Variants in TMEM266 observed in about 807,000 individuals in gnomAD.
TMEM266 encodes the protein transmembrane protein 266.
A neutral mutation model predicts 50.5 loss-of-function variants in TMEM266; 33 were observed. The observed-to-expected ratio is 0.65, with a 90% confidence interval of 0.50 to 0.87. The LOEUF is 0.87. Among genes scored for constraint, TMEM266 ranks in the 40% least tolerant of loss-of-function variants. The probability of loss-of-function intolerance (pLI) is 0.00; values close to 1 mark genes in which losing one functional copy is unlikely to be tolerated. For synonymous variants in TMEM266, 310 were observed against 292.3 expected (o/e 1.06, Z -0.62); for missense variants, 655 against 695.1 (o/e 0.94, Z 0.65).
At chr15:76,119,489 G>A (rs2037307751) in intron 1 of TMEM266, among the ~76,000 whole-genome samples, 1 of 151,966 alleles carries the variant, frequency 6.6e-6, no homozygotes, top group Admixed American at 6.6e-5. Context: ...GACGGGAGCC[G>A]GGCGCGGTGG....
chr15:76,154,215 CTGTTGTATGCAA>C (rs1219494112), intron 3 of TMEM266, among the ~76,000 whole-genome samples: 1 of 152,192 alleles, frequency 6.6e-6, no homozygotes, highest in Non-Finnish European at 1.5e-5. Context: ...TAGTATGAGT[CTGTTGTATGCAA>C]TGTTTAGGGT....
chr15:76,122,291 G>T (rs142936922), intron 1 of TMEM266, among the ~76,000 whole-genome samples: 50 of 152,352 alleles, frequency 3.3e-4, no homozygotes, highest in African/African-American at 1.1e-3. Flanking sequence ...AAAGCAAGTG[G>T]ATTTGCTTGG....
Position 76,204,124 on chromosome 15 carries a change from G to A in TMEM266, c.1405G>A (p.Ala469Thr). The A allele has an allele frequency of 6.2e-7, 1 of 1,613,120 alleles. No homozygotes were observed. The stretch of plus-strand genomic sequence containing the variant: ...AGCCCCCCTCGCCCGGCCCAGCCCA[G>A]CGGGCTCGGCCCAAACCAGCCCCGA... Residue 469 changes from alanine to threonine, a missense_variant, in exon 11 of 11, where the codon GCG (alanine) becomes ACG (threonine). Around this residue, in one of 3 missense-constraint regions of TMEM266, gnomAD observed 455 missense variants for 401.8 expected, o/e 1.13. Transcript: ENST00000388942.
At chr15:76,079,220 G>A (rs1344633065) in intron 1 of TMEM266, among the ~76,000 whole-genome samples, 1 of 151,886 alleles carries the variant, frequency 6.6e-6, no homozygotes, top group Admixed American at 6.6e-5. Flanking sequence ...AGGCGTGGTG[G>A]CACACGCCTG....
rs199679215 is a variant in TMEM266 at position 76,203,745 on chromosome 15, C to A, written c.1026C>A (p.Ser342Arg). ...AGATCCCCTCCTACCTTGCAGACAG[C>A]GGTGTCCCAGAGCCAGCTGTGTGTA... Residue 342 changes from serine (S) to arginine (R), a missense_variant, in exon 11 of 11, where the codon AGC becomes AGA. Physicochemically the swap from Ser to Arg is moderately radical, Grantham distance 110. Around this residue, in one of 3 missense-constraint regions of TMEM266, gnomAD observed 455 missense variants for 401.8 expected, o/e 1.13. Transcript: ENST00000388942. The A allele has an allele frequency of 6.2e-7, 1 of 1,611,086 alleles. No individual in the cohort carries two copies. The highest frequency in any genetic ancestry group is 1.3e-5 in the African/African-American group (1 of 75,010).
intron 9 of TMEM266, among the ~76,000 whole-genome samples, chr15:76,195,059 C>T (rs1038699473): frequency 2.0e-5 from 3 of 152,136 alleles, no homozygotes; most frequent in Non-Finnish European, 2.9e-5. Flanking sequence ...ATGTTCTGTA[C>T]GGTTTCTGAG....
chr15:76,194,298 T>C (rs1183083095), intron 9 of TMEM266, among the ~76,000 whole-genome samples: 1 of 152,240 alleles, frequency 6.6e-6, no homozygotes, highest in African/African-American at 2.4e-5. Flanking sequence ...CAATTCCTGA[T>C]TAGTTGAAAC....
chr15:76,192,228 C>G (rs919915458), intron 9 of TMEM266, 71 bp downstream of exon 9: 5 of 1,325,238 alleles, frequency 3.8e-6, no homozygotes, highest in African/African-American at 1.6e-5. Context: ...TCTCGCGCCC[C>G]GGGACTGTGC....
At chr15:76,158,399 C>A (rs987106759) in intron 4 of TMEM266, among the ~76,000 whole-genome samples, 1 of 152,232 alleles carries the variant, frequency 6.6e-6, no homozygotes, top group Non-Finnish European at 1.5e-5. Flanking sequence ...TTCCCTCCCA[C>A]TCACCCATAC....
At chr15:76,131,603 A>G (rs1262367791) in intron 1 of TMEM266, among the ~76,000 whole-genome samples, 1 of 152,244 alleles carries the variant, frequency 6.6e-6, no homozygotes. Context: ...CTGTTATGGA[A>G]TTTTATAAGA....
intron 1 of TMEM266, among the ~76,000 whole-genome samples, chr15:76,066,788 C>T (rs1168303853): frequency 6.6e-6 from 1 of 152,130 alleles, no homozygotes; most frequent in Non-Finnish European, 1.5e-5. Context: ...GCTTCCCACC[C>T]CACAACCCTG....
chr15:76,145,167 C>T (rs545169179), intron 3 of TMEM266, among the ~76,000 whole-genome samples: 1 of 152,272 alleles, frequency 6.6e-6, no homozygotes, highest in Admixed American at 6.5e-5. Context: ...GCCGCAGTGT[C>T]GGCTTCATCC....
At chr15:76,154,466 T>G (rs926499768) in intron 3 of TMEM266, among the ~76,000 whole-genome samples, 1 of 152,042 alleles carries the variant, frequency 6.6e-6, no homozygotes, top group Non-Finnish European at 1.5e-5. Flanking sequence ...ATTGATGGCC[T>G]TCACCATCTG....
intron 5 of TMEM266, among the ~76,000 whole-genome samples, chr15:76,166,071 T>TTC (rs1342729262): frequency 6.6e-6 from 1 of 152,192 alleles, no homozygotes; most frequent in Non-Finnish European, 1.5e-5. Flanking sequence ...AGTCCTTGGC[T>TTC]GCACATTGAG....
At chr15:76,171,861 A>T (rs2959854) in intron 7 of TMEM266, among the ~76,000 whole-genome samples, 57,159 of 152,076 alleles carry the variant, frequency 0.38, 12,250 homozygotes, top group African/African-American at 0.57. Context: ...GACCAGAGTG[A>T]GTGGCCCAGA....
At chr15:76,203,437 T>TA in intron 10 of TMEM266, among the ~76,000 whole-genome samples, 1 of 152,296 alleles carries the variant, frequency 6.6e-6, no homozygotes, top group East Asian at 1.9e-4. Flanking sequence ...TTTGCCAGGG[T>TA]AAAGCACCAG....
chr15:76,099,282 G>A (rs948019068), intron 1 of TMEM266, among the ~76,000 whole-genome samples: 2 of 152,208 alleles, frequency 1.3e-5, no homozygotes, highest in African/African-American at 4.8e-5. Context: ...TATCTGTGCT[G>A]GAGTTCCTCA....
intron 9 of TMEM266, among the ~76,000 whole-genome samples, chr15:76,198,134 G>A (rs945575911): frequency 1.3e-5 from 2 of 152,168 alleles, no homozygotes; most frequent in Non-Finnish European, 2.9e-5. Flanking sequence ...CAGTTCACCA[G>A]CAGAGTAGGC....
chr15:76,194,179 C>T (rs947760990), intron 9 of TMEM266, among the ~76,000 whole-genome samples: 3 of 152,258 alleles, frequency 2.0e-5, no homozygotes, highest in African/African-American at 7.2e-5. Context: ...GGGCAACAGG[C>T]TTTTTGTAGC....
Sources: allele counts gnomAD v4.1 joint callset (sites outside exome capture counted in the v4.1 genomes callset), GRCh38; gene constraint gnomAD v4.1.1; regional missense constraint gnomAD v4.1.1; transcripts MANE v1.5; gene names NCBI Gene and HGNC (gene_info 2026-07-23, HGNC 2026-07-21).